Variants in NUAK1 observed in about 807,000 individuals in gnomAD.
NUAK1 encodes NUAK family kinase 1.
A neutral mutation model predicts 56.9 loss-of-function variants in NUAK1; 26 were observed. The ratio of observed to expected loss-of-function variants is 0.46; its 90% CI spans 0.33 to 0.63. NUAK1 has a LOEUF of 0.63. Among genes scored for constraint, NUAK1 ranks in the 30% least tolerant of loss-of-function variants. The probability of loss-of-function intolerance (pLI) is 0.02; values close to 1 mark genes in which losing one functional copy is unlikely to be tolerated. For missense variants in NUAK1, 727 were observed against 876.1 expected, an observed-to-expected ratio of 0.83 and a Z score of 2.15; for synonymous variants, 337 against 336.0, an observed-to-expected ratio of 1.00 and a Z score of -0.03.
chr12:106,095,990 A>AC (rs1340571143), intron 2 of NUAK1, among the ~76,000 whole-genome samples: 11 of 151,688 alleles, frequency 7.3e-5, no homozygotes, highest in Admixed American at 5.3e-4. Context: ...ATCTAATCTG[A>AC]CCCCCCTTTC....
At chr12:106,090,695 G>C (rs1405306256) in intron 2 of NUAK1, among the ~76,000 whole-genome samples, 2 of 152,178 alleles carry the variant, frequency 1.3e-5, no homozygotes, top group Admixed American at 1.3e-4. Context: ...AATGAGACTA[G>C]TAATTTCCTC....
intron 2 of NUAK1, among the ~76,000 whole-genome samples, chr12:106,098,804 C>A (rs778023547): frequency 6.6e-6 from 1 of 152,076 alleles, no homozygotes; most frequent in Non-Finnish European, 1.5e-5. Context: ...TGAGACAGTG[C>A]GCCTTTGATG....
At chr12:106,116,896 G>T (rs1330626634) in intron 1 of NUAK1, among the ~76,000 whole-genome samples, 1 of 152,228 alleles carries the variant, frequency 6.6e-6, no homozygotes, top group Non-Finnish European at 1.5e-5. Flanking sequence ...TATGGGAGGG[G>T]CTGGGAGGCA....
At chr12:106,123,608 A>G (rs2032998998) in intron 1 of NUAK1, among the ~76,000 whole-genome samples, 1 of 152,214 alleles carries the variant, frequency 6.6e-6, no homozygotes, top group African/African-American at 2.4e-5. Context: ...CTCTCACCCA[A>G]TTACCAGATG....
At chr12:106,131,115 G>T (rs1374792989) in intron 1 of NUAK1, among the ~76,000 whole-genome samples, 1 of 152,206 alleles carries the variant, frequency 6.6e-6, no homozygotes, top group East Asian at 1.9e-4. Flanking sequence ...AATCTTAGAG[G>T]CCTGAGAGAT....
chr12:106,107,507 T>C (rs2032814165), intron 1 of NUAK1, among the ~76,000 whole-genome samples: 1 of 152,144 alleles, frequency 6.6e-6, no homozygotes. Context: ...TCCAGGCTGG[T>C]CCTCTTGTGA....
chr12:106,134,677 G>A (rs1252449706), intron 1 of NUAK1, among the ~76,000 whole-genome samples: 1 of 152,218 alleles, frequency 6.6e-6, no homozygotes, highest in South Asian at 2.1e-4. Context: ...TTTTGGCAAC[G>A]CTTTGTGTGG....
At chr12:106,098,824 C>G (rs776103519) in intron 2 of NUAK1, among the ~76,000 whole-genome samples, 8 of 152,148 alleles carry the variant, frequency 5.3e-5, no homozygotes, top group African/African-American at 1.9e-4. Flanking sequence ...GTTTGAACTT[C>G]GGTCCTGAAA....
intron 1 of NUAK1, among the ~76,000 whole-genome samples, chr12:106,115,439 G>T (rs1357160142): frequency 6.6e-6 from 1 of 152,206 alleles, no homozygotes; most frequent in Admixed American, 6.5e-5. Context: ...AGACCTATCA[G>T]ATAGGGCGGG....
At chr12:106,076,936 C>T (rs1349939022) in intron 4 of NUAK1, among the ~76,000 whole-genome samples, 3 of 152,280 alleles carry the variant, frequency 2.0e-5, no homozygotes, top group Non-Finnish European at 4.4e-5. Flanking sequence ...ATGGTAATGC[C>T]TACACAACAA....
chr12:106,074,655 T>C (rs2032442269), intron 4 of NUAK1, among the ~76,000 whole-genome samples: 1 of 152,136 alleles, frequency 6.6e-6, no homozygotes, highest in African/African-American at 2.4e-5. Flanking sequence ...CAAGCTGATT[T>C]CCATTTGAGG....
intron 4 of NUAK1, among the ~76,000 whole-genome samples, chr12:106,074,470 A>G (rs2032440977): frequency 6.6e-6 from 1 of 152,210 alleles, no homozygotes; most frequent in Non-Finnish European, 1.5e-5. Context: ...ATTGAGGTTT[A>G]AGGAGTTTGA....
At chr12:106,087,914 A>G (rs1048173065) in intron 2 of NUAK1, among the ~76,000 whole-genome samples, 1 of 152,206 alleles carries the variant, frequency 6.6e-6, no homozygotes, top group Non-Finnish European at 1.5e-5. Context: ...CGCAGGTTGC[A>G]GGGCCGCTGC....
At chr12:106,087,101 C>G (rs903485540) in intron 2 of NUAK1, 4 of 497,954 alleles carry the variant, frequency 8.0e-6, no homozygotes, top group East Asian at 3.2e-5. Context: ...TTCCTGGACA[C>G]GCCTTTGTCA....
chr12:106,095,051 G>T (rs2032682076), intron 2 of NUAK1, among the ~76,000 whole-genome samples: 1 of 152,024 alleles, frequency 6.6e-6, no homozygotes. Context: ...CATCACCACA[G>T]GCTCATGATA....
chr12:106,127,924 A>G (rs963061030), intron 1 of NUAK1, among the ~76,000 whole-genome samples: 1 of 152,096 alleles, frequency 6.6e-6, no homozygotes, highest in Non-Finnish European at 1.5e-5. Flanking sequence ...CTGCCTTTCC[A>G]AAGAGGCCTC....
intron 1 of NUAK1, among the ~76,000 whole-genome samples, chr12:106,136,619 G>T (rs937587172): frequency 2.0e-5 from 3 of 152,078 alleles, no homozygotes; most frequent in Non-Finnish European, 2.9e-5. Context: ...TTAGACTTTG[G>T]GGTCCCTTCA....
chr12:106,121,232 AGGAC>A (rs1432853779), intron 1 of NUAK1, among the ~76,000 whole-genome samples: 1 of 152,188 alleles, frequency 6.6e-6, no homozygotes, highest in Non-Finnish European at 1.5e-5. Context: ...CCCTAAAGTG[AGGAC>A]GATCATCACT....
Position 106,098,319 on chromosome 12 carries a change from T to C in NUAK1, c.361+8086A>G, listed in dbSNP as rs530524108. Among the ~76,000 whole-genome samples the C allele has an allele frequency of 3.9e-4, 60 of 152,152 alleles. 1 individual carries two copies. The highest frequency in any genetic ancestry group is 1.9e-3 in the Admixed American group (29 of 15,292). ...GAGAATATTTGAGAATACAGACTTA[T>C]TATAACTTATCTTCTCGTGGGCAGC... On this transcript the variant is annotated intron_variant, in intron 2 of 6. Coordinates refer to ENST00000261402, the MANE Select transcript of NUAK1 (RefSeq NM_014840.3).
Sources: gnomAD v4.1 joint callset for allele counts (sites outside exome capture counted in the v4.1 genomes callset) on GRCh38, gnomAD v4.1.1 for gene constraint, MANE v1.5 for transcripts, NCBI Gene and HGNC (gene_info 2026-07-23, HGNC 2026-07-21) for gene names.